PCDH8: variants seen among roughly 807,000 people sequenced by gnomAD.
PCDH8 encodes the protein protocadherin-8.
In PCDH8, 36 loss-of-function variants were observed where a neutral mutation model predicts 58.2. That is an observed-to-expected ratio of 0.62 (90% CI 0.47 to 0.82). The LOEUF (loss-of-function observed/expected upper bound fraction) is 0.82, where lower values mean the gene tolerates loss of function less well. Among genes scored for constraint, PCDH8 ranks in the 40% least tolerant of loss-of-function variants. PCDH8 has a pLI of 0.00. For missense variants in PCDH8, 1,493 were observed against 1,567.8 expected (o/e 0.95, Z 0.81); for synonymous variants, 775 against 728.9 (o/e 1.06, Z -1.02).
In PCDH8 at chr13:52,845,853, C is replaced by T. The variant is rs1965722296; in HGVS notation, c.2584G>A (p.Ala862Thr). 3 of 1,517,526 alleles carry T rather than the reference C, an allele frequency of 2.0e-6. No homozygotes were observed. The highest frequency in any genetic ancestry group is 1.4e-5 in the African/African-American group (1 of 72,066). 94.0% of individuals were successfully genotyped at this position (1,517,526 alleles called of 1,614,324 possible). Residue 862 changes from alanine (A) to threonine (T), a missense_variant, in exon 1 of 3, where the codon GCC becomes ACC. By Grantham distance (58) the Ala-to-Thr change is moderately conservative. Transcript: ENST00000377942. Reference sequence around the variant, plus strand: ...CGCTGCTGCCCCTCGAAGTGACAGGCGCTTTCCCCAGTGGCGCTGCCGCCC... The same window carrying T: ...CGCTGCTGCCCCTCGAAGTGACAGGTGCTTTCCCCAGTGGCGCTGCCGCCC... ...SEGGSATGESACHFEGQQRLR... is the reference protein window; with the variant it reads ...SEGGSATGESTCHFEGQQRLR...
In PCDH8 at chr13:52,848,060, C is replaced by G; in HGVS notation, c.377G>C (p.Arg126Thr). The change falls in exon 1 of 3, where the codon AGG (arginine) becomes ACG (threonine). Residue 126 changes from arginine to threonine, a missense_variant. Physicochemically the swap from Arg to Thr is moderately conservative, Grantham distance 71. This residue lies in a region of PCDH8 where 1,307 missense variants were observed against 1,362.7 expected (regional missense o/e 0.96). Transcript: ENST00000377942. ...GCGCGGCGCGTGGTCGTTGACGTCC[C>G]TCACCTCTACCTCCACGTGCACCAG... ...FRLVHVEVEV[R>T]DVNDHAPRFP... is the part of the protein sequence containing the mutation. 1 of 1,612,518 alleles carries G rather than the reference C, an allele frequency of 6.2e-7. No homozygotes were observed.
In PCDH8 at chr13:52,843,861, A is replaced by G. The variant is rs1407823252; in HGVS notation, c.*699T>C. On this transcript the variant is annotated 3_prime_UTR_variant, in exon 3 of 3. Transcript: ENST00000377942. ...GAAATCCTACAGGTTTAATATTGTC[A>G]TGAACATTAATAATGCCCAAATAAT... 2.6e-5 allele frequency: 4 copies of G among 152,302 alleles called. No homozygotes were observed. Among genetic ancestry groups the G allele is most frequent in the African/African-American group, 9.6e-5 (4 of 41,474 alleles). 9.4% of individuals were successfully genotyped at this position (152,302 alleles called of 1,614,324 possible).
chr13:52,845,468 G>A lies in PCDH8; in HGVS notation c.2796C>T (p.Ser932=). 3 of 1,614,208 alleles carry A rather than the reference G, an allele frequency of 1.9e-6. No homozygotes were observed. The highest frequency in any genetic ancestry group is 2.2e-5 in the East Asian group (1 of 44,878). The change falls in exon 2 of 3, where the codon AGC becomes AGT. Residue 932 remains serine (S), a synonymous_variant. Transcript: ENST00000377942. The part of the protein sequence containing the change: ...SDFNDSDSDI[S]GDALKKDLIN... ...TGAGATCCTTTTTCAGAGCGTCCCC[G>A]CTGATGTCGGAATCGCTGTCGTTGA...
chr13:52,847,990 T>G lies in PCDH8; in HGVS notation c.447A>C (p.Ala149=), dbSNP rs1171967005. 2 of 1,610,302 alleles carry G rather than the reference T, an allele frequency of 1.2e-6. No homozygotes were observed. The highest frequency in any genetic ancestry group is 2.7e-5 in the African/African-American group (2 of 74,842). Reference sequence around the variant, plus strand: ...CCTCCAAGGGGATGCGCGTGCCCACTGCCGCACCCTCGGACACCTCTACCG... The same window carrying G: ...CCTCCAAGGGGATGCGCGTGCCCACGGCCGCACCCTCGGACACCTCTACCG... ...QIPVEVSEGA[A]VGTRIPLEVP... Residue 149 remains alanine, a synonymous_variant, in exon 1 of 3, where the codon GCA becomes GCC. Coordinates refer to ENST00000377942, the MANE Select transcript of PCDH8 (RefSeq NM_002590.4).
In PCDH8 at chr13:52,845,817, C is replaced by T. The variant is rs1430830564; in HGVS notation, c.2620G>A (p.Ala874Thr). The stretch of plus-strand genomic sequence containing the variant: ...AAGGAAGGCCTCACCTCGGCGTGCG[C>T]GCCGCGGAGCCGCTGCTGCCCCTCG... ...HFEGQQRLRGAHAEPYGASPG... is the reference protein window; with the variant it reads ...HFEGQQRLRGTHAEPYGASPG... The change falls in exon 1 of 3, where the codon GCG becomes ACG. Residue 874 changes from alanine to threonine, a missense_variant. Physicochemically the swap from Ala to Thr is moderately conservative, Grantham distance 58. Transcript: ENST00000377942. 3 of 1,504,590 alleles carry T rather than the reference C, an allele frequency of 2.0e-6. No individual in the cohort carries two copies. Among genetic ancestry groups the T allele is most frequent in the East Asian group, 2.5e-5 (1 of 40,744 alleles). 93.2% of individuals were successfully genotyped at this position (1,504,590 alleles called of 1,614,324 possible).
At position 52,847,862 on chromosome 13, in the gene PCDH8, G is replaced by A; in HGVS notation, c.575C>T (p.Ala192Val). ...CAGCAGCACCAGGTCTGCGCACTGA[G>A]CGCCGTCCGCTCGCGTCTGCAGCTC... The part of the protein sequence containing the change: ...RVELQTRADG[A>V]QCADLVLLQE... Residue 192 changes from alanine to valine, a missense_variant, in exon 1 of 3, where the codon GCT becomes GTT. Transcript: ENST00000377942. The A allele has an allele frequency of 4.0e-6, 6 of 1,513,264 alleles. No homozygotes were observed. The highest frequency in any genetic ancestry group is 5.3e-6 in the Non-Finnish European group (6 of 1,135,554). 93.7% of individuals were successfully genotyped at this position (1,513,264 alleles called of 1,614,324 possible).
At chr13:52,845,312 A>G in intron 2 of PCDH8, 113 bp downstream of exon 2, 1 of 1,019,386 alleles carries the variant, frequency 9.8e-7, no homozygotes, top group Non-Finnish European at 1.5e-6. Context: ...TAGGAGTGAG[A>G]AAAAGTGGGG....
In PCDH8 at chr13:52,847,565, G is replaced by A. The variant is rs1451382742; in HGVS notation, c.872C>T (p.Pro291Leu). 8 of 1,561,080 alleles carry A rather than the reference G, an allele frequency of 5.1e-6. No homozygotes were observed. The highest frequency in any genetic ancestry group is 6.9e-6 in the Non-Finnish European group (8 of 1,161,682). The change falls in exon 1 of 3, where the codon CCG becomes CTG. Residue 291 changes from proline (P) to leucine (L), a missense_variant. By Grantham distance (98) the Pro-to-Leu change is moderately conservative (BLOSUM62 -3). Around this residue, in one of 3 missense-constraint regions of PCDH8, gnomAD observed 1,307 missense variants for 1,362.7 expected, o/e 0.96. Coordinates refer to ENST00000377942, the MANE Select transcript of PCDH8 (RefSeq NM_002590.4). ...VVFAFGARTP[P>L]EARRLFRLDP... Reference sequence around the variant, plus strand: ...AAGCCGAAAGAGGCGGCGCGCCTCCGGCGGGGTGCGGGCGCCAAATGCGAA... The same window carrying A: ...AAGCCGAAAGAGGCGGCGCGCCTCCAGCGGGGTGCGGGCGCCAAATGCGAA...
In PCDH8 at chr13:52,846,883, C is replaced by T. The variant is rs1396071362; in HGVS notation, c.1554G>A (p.Thr518=). The change falls in exon 1 of 3, where the codon ACG becomes ACA. Residue 518 remains threonine (T), a synonymous_variant. Coordinates refer to ENST00000377942, the MANE Select transcript of PCDH8 (RefSeq NM_002590.4). ...ENNPPGAYLA[T]VAARDRDLGR... is the part of the protein sequence containing the mutation. ...CCAGGTCCCGGTCGCGGGCGGCCAC[C>T]GTGGCCAGGTAGGCGCCTGGCGGGT... The T allele has an allele frequency of 2.1e-5, 32 of 1,560,514 alleles. No homozygotes were observed. The highest frequency in any genetic ancestry group is 2.8e-5 in the Non-Finnish European group (32 of 1,156,992).
At position 52,845,798 on chromosome 13, in the gene PCDH8, G is replaced by A. The variant is rs1398764399; in HGVS notation, c.2631+8C>T. 31 of 1,500,402 alleles carry A rather than the reference G, an allele frequency of 2.1e-5. No individual in the cohort carries two copies. Among genetic ancestry groups the A allele is most frequent in the Non-Finnish European group, 2.6e-5 (29 of 1,132,968 alleles). The allele number at this position is 1,500,402 out of a possible 1,614,324, so 92.9% of individuals were successfully genotyped here. A position where few individuals can be genotyped will look rare whatever the true frequency, so the allele number is the denominator to read the frequency against. ...GGAGGGGGGCGCCCAGCCGAAGGAA[G>A]GCCTCACCTCGGCGTGCGCGCCGCG... On this transcript the variant is annotated splice_region_variant and intron_variant, in intron 1 of 2. Transcript: ENST00000377942.
chr13:52,844,129 G>C lies in PCDH8; in HGVS notation c.*431C>G, dbSNP rs1053571425. 1 of 152,992 alleles carries C rather than the reference G, an allele frequency of 6.5e-6. No homozygotes were observed. Among genetic ancestry groups the C allele is most frequent in the Non-Finnish European group, 1.5e-5 (1 of 68,342 alleles). The allele number at this position is 152,992 out of a possible 1,614,324, so 9.5% of individuals were successfully genotyped here. Reference sequence around the variant, plus strand: ...CAAGGCAAAATTTCTCAAACACTAGGTTGTTTCAGGTGAAAGATAAATTTC... The same window carrying C: ...CAAGGCAAAATTTCTCAAACACTAGCTTGTTTCAGGTGAAAGATAAATTTC... On this transcript the variant is annotated 3_prime_UTR_variant, in exon 3 of 3. Transcript: ENST00000377942.
rs747021032 is a variant in PCDH8 at position 52,846,745 on chromosome 13, C to T, written c.1692G>A (p.Leu564=). The T allele has an allele frequency of 2.2e-5, 35 of 1,587,828 alleles. No individual in the cohort carries two copies. Among genetic ancestry groups the T allele is most frequent in the African/African-American group, 4.0e-5 (3 of 74,496 alleles). ...GCAGCGTCTCATAGTCGAAGCTGCG[C>T]AGCGCGTAGATGGCTCCGGTAGCTG... ...VDPATGAIYA[L]RSFDYETLRQ... The change falls in exon 1 of 3, where the codon CTG becomes CTA. Residue 564 remains leucine, a synonymous_variant. Coordinates refer to ENST00000377942, the MANE Select transcript of PCDH8 (RefSeq NM_002590.4).
chr13:52,847,639 G>A lies in PCDH8; in HGVS notation c.798C>T (p.Leu266=). 2 of 1,574,882 alleles carry A rather than the reference G, an allele frequency of 1.3e-6. No individual in the cohort carries two copies. Among genetic ancestry groups the A allele is most frequent in the Non-Finnish European group, 1.7e-6 (2 of 1,169,504 alleles). The change falls in exon 1 of 3, where the codon CTC becomes CTT. Residue 266 remains leucine (L), a synonymous_variant. Transcript: ENST00000377942. ...AEDAPVGSLL[L]DLDAADPDEG... is the part of the protein sequence containing the mutation. ...CGTCGGGGTCGGCTGCGTCCAGGTCGAGAAGCAGGGAGCCCACGGGCGCGT... is the reference window on the plus strand; with the variant it reads ...CGTCGGGGTCGGCTGCGTCCAGGTCAAGAAGCAGGGAGCCCACGGGCGCGT...
Position 52,848,589 on chromosome 13 carries a change from A to G in PCDH8, c.-153T>C. On this transcript the variant is annotated 5_prime_UTR_variant, in exon 1 of 3. Coordinates refer to ENST00000377942, the MANE Select transcript of PCDH8 (RefSeq NM_002590.4). ...AGCTCCGAGCCTCCAGCGGGCTCTG[A>G]GGACGCGCGGACCCGCCCTCACTCT... 7.2e-7 allele frequency: 1 copy of G among 1,390,818 alleles called. No homozygotes were observed. The highest frequency in any genetic ancestry group is 9.4e-7 in the Non-Finnish European group (1 of 1,065,480). The allele number at this position is 1,390,818 out of a possible 1,614,324, so 86.2% of individuals were successfully genotyped here. A position where few individuals can be genotyped will look rare whatever the true frequency, so the allele number is the denominator to read the frequency against.
rs1350982457 is a variant in PCDH8 at position 52,846,034 on chromosome 13, A to G, written c.2403T>C (p.Ala801=). 6.7e-7 allele frequency: 1 copy of G among 1,494,106 alleles called. No homozygotes were observed. The highest frequency in any genetic ancestry group is 2.6e-5 in the East Asian group (1 of 38,466). The allele number at this position is 1,494,106 out of a possible 1,614,324, so 92.6% of individuals were successfully genotyped here. A position where few individuals can be genotyped will look rare whatever the true frequency, so the allele number is the denominator to read the frequency against. Residue 801 remains alanine, a synonymous_variant, in exon 1 of 3, where the codon GCT becomes GCC. Transcript: ENST00000377942. ...RPGAAGGGAS[A]PGSPEEAARG... is the part of the protein sequence containing the mutation. ...GGGCGGCCTCCTCCGGGGAGCCGGG[A>G]GCCGAGGCTCCGCCGCCCGCCGCCC...
chr13:52,847,657 G>C lies in PCDH8; in HGVS notation c.780C>G (p.Pro260=), dbSNP rs764488488. The C allele has an allele frequency of 2.5e-6, 4 of 1,570,666 alleles. No homozygotes were observed. In the African/African-American group the frequency reaches 4.1e-5, roughly 16 times the overall value. ...VAEVELAEDA[P]VGSLLLDLDA... ...CCAGGTCGAGAAGCAGGGAGCCCAC[G>C]GGCGCGTCTTCCGCCAGCTCCACTT... is the stretch of plus-strand genomic sequence containing the variant. Residue 260 remains proline (P), a synonymous_variant, in exon 1 of 3, where the codon CCC becomes CCG. Coordinates refer to ENST00000377942, the MANE Select transcript of PCDH8 (RefSeq NM_002590.4).
Position 52,844,947 on chromosome 13 carries a change from GA to G in PCDH8, c.2840-15del. The G allele has an allele frequency of 6.6e-7, 1 of 1,510,528 alleles. No homozygotes were observed. Among genetic ancestry groups the G allele is most frequent in the South Asian group, 1.3e-5 (1 of 74,424 alleles). The allele number at this position is 1,510,528 out of a possible 1,614,324, so 93.6% of individuals were successfully genotyped here. ...ACGCCCACAGTCCTAATACGAAAGG[GA>G]AAAGGAAACAGCATGACGATTATTC... On this transcript the variant is annotated splice_polypyrimidine_tract_variant and intron_variant, in intron 2 of 2. Transcript: ENST00000377942.
chr13:52,844,999 C>T, intron 2 of PCDH8, 66 bp from the exon 3 acceptor site: 2 of 1,480,830 alleles, frequency 1.4e-6, no homozygotes, highest in South Asian at 1.4e-5. Flanking sequence ...TTCAGGCTTC[C>T]ATCTTCAGCA....
At position 52,847,617 on chromosome 13, in the gene PCDH8, C is replaced by T. The variant is rs1273402558; in HGVS notation, c.820G>A (p.Asp274Asn). The change falls in exon 1 of 3, where the codon GAC becomes AAC. Residue 274 changes from aspartate to asparagine, a missense_variant. Physicochemically the swap from Asp to Asn is conservative, Grantham distance 23 (BLOSUM62 1). Coordinates refer to ENST00000377942, the MANE Select transcript of PCDH8 (RefSeq NM_002590.4). Reference protein sequence around the residue: ...LLLDLDAADPDEGPNGDVVFA... With the variant: ...LLLDLDAADPNEGPNGDVVFA... ...ACCACGTCGCCGTTAGGTCCCTCGT[C>T]GGGGTCGGCTGCGTCCAGGTCGAGA... The T allele has an allele frequency of 6.3e-7, 1 of 1,574,860 alleles. No homozygotes were observed. The highest frequency in any genetic ancestry group is 1.4e-5 in the African/African-American group (1 of 73,314).
Sources: gnomAD v4.1 joint callset for allele counts on GRCh38, gnomAD v4.1.1 for gene constraint, gnomAD v4.1.1 regional missense constraint, MANE v1.5 for transcripts, NCBI Gene and HGNC (gene_info 2026-07-23, HGNC 2026-07-21) for gene names.